Variants in PPP2R1B observed in about 807,000 individuals in gnomAD.
PPP2R1B encodes serine/threonine-protein phosphatase 2A 65 kDa regulatory subunit A beta isoform.
A neutral mutation model predicts 72.7 loss-of-function variants in PPP2R1B; 58 were observed. That is an observed-to-expected ratio of 0.80 (90% CI 0.65 to 0.99). PPP2R1B has a LOEUF of 0.99. PPP2R1B is among the 50% of genes least tolerant of loss of function. PPP2R1B has a pLI of 0.00. For missense variants in PPP2R1B, 695 were observed against 733.6 expected (o/e 0.95, Z 0.61); for synonymous variants, 256 against 264.6 (o/e 0.97, Z 0.32).
At chr11:111,696,727 T>C in the PPP2R1B span, among the ~76,000 whole-genome samples, 1 of 152,350 alleles carries the variant, frequency 6.6e-6, no homozygotes, top group African/African-American at 2.4e-5. Context: ...TTTGTGTTGT[T>C]GCAAGACTTC....
intron 11 of PPP2R1B, among the ~76,000 whole-genome samples, chr11:111,744,452 T>G (rs1424157454): frequency 7.2e-5 from 11 of 152,214 alleles, no homozygotes; most frequent in Admixed American, 7.2e-4. Flanking sequence ...ATTCCCTATA[T>G]CCTTTGATCA....
intron 8 of PPP2R1B, among the ~76,000 whole-genome samples, chr11:111,754,153 G>A (rs2136083753): frequency 6.6e-6 from 1 of 152,278 alleles, no homozygotes; most frequent in Middle Eastern, 3.4e-3. Flanking sequence ...CTGGGCTCAA[G>A]AAATCCTCCC....
chr11:111,753,524 A>T lies in PPP2R1B; in HGVS notation c.1083T>A (p.Ile361=). 6.2e-7 allele frequency: 1 copy of T among 1,613,024 alleles called. No homozygotes were observed. The highest frequency in any genetic ancestry group is 8.5e-7 in the Non-Finnish European group (1 of 1,179,136). ...TGCCCAAAATAGTAGACAATCCCATAATTACAGAAGCTAGAGCCGATTTGA... is the reference window on the plus strand; with the variant it reads ...TGCCCAAAATAGTAGACAATCCCATTATTACAGAAGCTAGAGCCGATTTGA... The part of the protein sequence containing the change: ...QHVKSALASV[I]MGLSTILGKE... Residue 361 remains isoleucine (I), a synonymous_variant, in exon 9 of 15, where the codon ATT becomes ATA. Transcript: ENST00000527614.
the PPP2R1B span, chr11:111,703,428 A>T: frequency 6.2e-7 from 1 of 1,612,988 alleles, no homozygotes; most frequent in South Asian, 1.1e-5. Context: ...ATTGAGGTAA[A>T]GTGATCAGAG....
the PPP2R1B span, among the ~76,000 whole-genome samples, chr11:111,693,134 C>T: frequency 1.2e-3 from 184 of 152,160 alleles, 3 homozygotes; most frequent in East Asian, 0.011. Flanking sequence ...GATTTCGAGA[C>T]CATCCTGGCC....
At chr11:111,731,917 A>AACAACTCCAATGCCCCAGG (rs746723442) in intron 15 of PPP2R1B, among the ~76,000 whole-genome samples, 207 of 152,336 alleles carry the variant, frequency 1.4e-3, no homozygotes, top group African/African-American at 4.5e-3. Flanking sequence ...TGTTGCCAAA[A>AACAACTCCAATGCCCCAGG]ACAACTCCAA....
At chr11:111,713,769 C>T in the PPP2R1B span, among the ~76,000 whole-genome samples, 1 of 152,138 alleles carries the variant, frequency 6.6e-6, no homozygotes, top group African/African-American at 2.4e-5. Context: ...GAGTTCAAGA[C>T]CAGCGTGGCC....
Position 111,738,586 on chromosome 11 carries a change from T to C in PPP2R1B, c.*3010A>G, listed in dbSNP as rs1052326966. 8 of 985,470 alleles carry C rather than the reference T, an allele frequency of 8.1e-6. No individual in the cohort carries two copies. The highest frequency in any genetic ancestry group is 8.4e-6 in the Non-Finnish European group (7 of 829,954). 61.0% of individuals were successfully genotyped at this position (985,470 alleles called of 1,614,324 possible). A position where few individuals can be genotyped will look rare whatever the true frequency, so the allele number is the denominator to read the frequency against. ...GCCGTCTCTGTTGAGTCAGGACAAG[T>C]TGTCTGGCAAAGACCCCTGGGGCTC... On this transcript the variant is annotated 3_prime_UTR_variant, in exon 15 of 15. Coordinates refer to ENST00000527614, the MANE Select transcript of PPP2R1B (RefSeq NM_002716.5).
chr11:111,720,289 C>G, the PPP2R1B span, among the ~76,000 whole-genome samples: 1 of 152,152 alleles, frequency 6.6e-6, no homozygotes, highest in Non-Finnish European at 1.5e-5. Context: ...ACAGATGCCA[C>G]TTCTGGAGTG....
downstream of PPP2R1B, chr11:111,722,714 A>G (rs754439464): frequency 5.0e-6 from 8 of 1,614,030 alleles, no homozygotes; most frequent in Non-Finnish European, 6.8e-6. The surrounding 1 kb of genome is among the most constrained non-coding windows in gnomAD (Gnocchi z 4.4). Context: ...CTTTATTGCA[A>G]AGAACCACCG....
rs1433837479 is a variant in PPP2R1B at position 111,754,424 on chromosome 11, C to T, written c.1029+75G>A. 9 of 1,522,374 alleles carry T rather than the reference C, an allele frequency of 5.9e-6. No individual in the cohort carries two copies. In the East Asian group the frequency reaches 2.2e-4, roughly 37 times the overall value. The allele number at this position is 1,522,374 out of a possible 1,614,324, so 94.3% of individuals were successfully genotyped here. A position where few individuals can be genotyped will look rare whatever the true frequency, so the allele number is the denominator to read the frequency against. On this transcript the variant is annotated intron_variant, in intron 8 of 14. Transcript: ENST00000527614. The stretch of plus-strand genomic sequence containing the variant: ...TAAACTCAAAGAGCTTTAAGGTAAA[C>T]AAACAAACAAAAATAATGAGATTAA...
the PPP2R1B span, among the ~76,000 whole-genome samples, chr11:111,715,767 T>A: frequency 6.7e-6 from 1 of 148,334 alleles, no homozygotes; most frequent in African/African-American, 2.5e-5. Context: ...TACATACATA[T>A]ACACGCACAC....
downstream of PPP2R1B, chr11:111,722,726 G>A (rs1345422183): frequency 1.2e-6 from 2 of 1,614,104 alleles, no homozygotes; most frequent in Non-Finnish European, 1.7e-6. The surrounding 1 kb of genome is among the most constrained non-coding windows in gnomAD (Gnocchi z 4.4). Flanking sequence ...GAACCACCGC[G>A]GAGCCTTGAG....
the PPP2R1B span, among the ~76,000 whole-genome samples, chr11:111,706,983 A>C: frequency 6.6e-6 from 1 of 151,054 alleles, no homozygotes; most frequent in East Asian, 1.9e-4. Flanking sequence ...AAAAAAAAGT[A>C]TTGATACAGA....
At position 111,739,225 on chromosome 11, in the gene PPP2R1B, T is replaced by G; in HGVS notation, c.*2371A>C. ...ACCTATTATGTGCACCAGACACTGTTCCAGGCACTGGCGATACAGTAGAAG... is the reference window on the plus strand; with the variant it reads ...ACCTATTATGTGCACCAGACACTGTGCCAGGCACTGGCGATACAGTAGAAG... On this transcript the variant is annotated 3_prime_UTR_variant, in exon 15 of 15. Transcript: ENST00000527614. 1.0e-6 allele frequency: 1 copy of G among 976,106 alleles called. No homozygotes were observed. Among genetic ancestry groups the G allele is most frequent in the Non-Finnish European group, 1.2e-6 (1 of 821,552 alleles). 60.5% of individuals were successfully genotyped at this position (976,106 alleles called of 1,614,324 possible).
chr11:111,704,967 C>T, the PPP2R1B span: 4 of 1,589,744 alleles, frequency 2.5e-6, no homozygotes, highest in African/African-American at 1.4e-5. Flanking sequence ...TTTGCCTTTA[C>T]CACTTGTTTT....
chr11:111,748,236 G>T (rs1313965368), intron 10 of PPP2R1B, among the ~76,000 whole-genome samples: 4 of 152,250 alleles, frequency 2.6e-5, no homozygotes, highest in Non-Finnish European at 4.4e-5. Flanking sequence ...CATAGGCCCT[G>T]CTAGGTAAAA....
chr11:111,743,561 A>G (rs1326793546), intron 11 of PPP2R1B, 31 bp from the exon 12 acceptor site: 2 of 1,583,002 alleles, frequency 1.3e-6, no homozygotes, highest in East Asian at 4.5e-5. Context: ...ATGTTCTCAT[A>G]TCGCTTATTG....
chr11:111,700,242 A>G, the PPP2R1B span, among the ~76,000 whole-genome samples: 1 of 152,202 alleles, frequency 6.6e-6, no homozygotes, highest in Admixed American at 6.5e-5. Context: ...GTTTTGAACT[A>G]TAATGCCACT....
Sources: allele counts gnomAD v4.1 joint callset (sites outside exome capture counted in the v4.1 genomes callset), GRCh38; gene constraint gnomAD v4.1.1; non-coding constraint Gnocchi (gnomAD v3.1); transcripts MANE v1.5; gene names NCBI Gene and HGNC (gene_info 2026-07-23, HGNC 2026-07-21).